Variants in KLF12 observed in about 807,000 individuals in gnomAD.
KLF12 encodes KLF transcription factor 12, also known as Krueppel-like factor 12.
In KLF12, 9 loss-of-function variants were observed where a neutral mutation model predicts 37.8. The ratio of observed to expected loss-of-function variants is 0.24; its 90% CI spans 0.14 to 0.42. The LOEUF (loss-of-function observed/expected upper bound fraction) is 0.42, where lower values mean the gene tolerates loss of function less well. KLF12 is among the 10% of genes least tolerant of loss of function. The probability of loss-of-function intolerance (pLI) is 1.00; values close to 1 mark genes in which losing one functional copy is unlikely to be tolerated. For missense variants in KLF12, 411 were observed against 516.0 expected (o/e 0.80, Z 1.97); for synonymous variants, 208 against 202.1 (o/e 1.03, Z -0.25).
intron 5 of KLF12, among the ~76,000 whole-genome samples, chr13:73,803,590 C>T (rs1882396765): frequency 1.3e-5 from 2 of 151,494 alleles, no homozygotes; most frequent in African/African-American, 4.8e-5. Context: ...CTTATTGTCT[C>T]TCTCCTCCCA....
intron 2 of KLF12, among the ~76,000 whole-genome samples, chr13:73,984,903 G>A (rs1056795346): frequency 5.9e-5 from 9 of 152,166 alleles, no homozygotes; most frequent in African/African-American, 9.7e-5. Context: ...TCCCATCAAG[G>A]GGTGGGGGAT....
chr13:74,280,845 A>G, the KLF12 span, among the ~76,000 whole-genome samples: 1 of 125,694 alleles, frequency 8.0e-6, no homozygotes, highest in African/African-American at 3.5e-5. Flanking sequence ...TTTTTTTGCC[A>G]AGGACTGTGC....
At chr13:73,855,516 T>C (rs776883620) in intron 3 of KLF12, among the ~76,000 whole-genome samples, 42 of 152,234 alleles carry the variant, frequency 2.8e-4, no homozygotes, top group Non-Finnish European at 4.6e-4. Context: ...TCTTGGTTGA[T>C]TCCACGTCTT....
At chr13:74,258,061 T>C in the KLF12 span, 1 of 152,172 alleles carries the variant, frequency 6.6e-6, no homozygotes, top group South Asian at 2.1e-4. Context: ...GACAAGTTTT[T>C]GAATGTTATG....
intron 1 of KLF12, among the ~76,000 whole-genome samples, chr13:74,029,060 A>G (rs1893049528): frequency 6.6e-6 from 1 of 152,142 alleles, no homozygotes; most frequent in South Asian, 2.1e-4. Context: ...GTAACCGTTT[A>G]TTTTATAAAT....
intron 2 of KLF12, among the ~76,000 whole-genome samples, chr13:73,948,963 G>A (rs1232004420): frequency 6.6e-6 from 1 of 152,140 alleles, no homozygotes; most frequent in Non-Finnish European, 1.5e-5. Flanking sequence ...ACAGATATTT[G>A]CATATTTACT....
intron 1 of KLF12, among the ~76,000 whole-genome samples, chr13:74,064,266 T>C (rs1873777954): frequency 6.6e-6 from 1 of 152,208 alleles, no homozygotes; most frequent in African/African-American, 2.4e-5. Flanking sequence ...CATATATAAC[T>C]GTATATTTTT....
At chr13:74,239,154 T>G in the KLF12 span, among the ~76,000 whole-genome samples, 151 of 148,094 alleles carry the variant, frequency 1.0e-3, no homozygotes, top group African/African-American at 3.7e-3. Flanking sequence ...TTGTTCTCGT[T>G]GGTTTCAAAG....
At chr13:73,943,353 T>C (rs764344949) in intron 3 of KLF12, among the ~76,000 whole-genome samples, 1 of 152,210 alleles carries the variant, frequency 6.6e-6, no homozygotes, top group Non-Finnish European at 1.5e-5. Flanking sequence ...AGTGAAGCCA[T>C]AAATGTTCAT....
the KLF12 span, among the ~76,000 whole-genome samples, chr13:74,147,308 A>T: frequency 6.6e-6 from 1 of 152,186 alleles, no homozygotes; most frequent in East Asian, 1.9e-4. Flanking sequence ...GAGTTTGGGG[A>T]ACACTGTTCT....
chr13:73,881,242 AATC>A (rs1886966436), intron 3 of KLF12, among the ~76,000 whole-genome samples: 1 of 152,300 alleles, frequency 6.6e-6, no homozygotes, highest in East Asian at 1.9e-4. Context: ...ATTCTGCTAG[AATC>A]ATTAAAGCCT....
intron 7 of KLF12, among the ~76,000 whole-genome samples, chr13:73,707,235 C>G (rs1378098075): frequency 6.6e-6 from 1 of 152,144 alleles, no homozygotes; most frequent in East Asian, 1.9e-4. Context: ...GTGCCCTAAC[C>G]TTGCTCCTTT....
intron 6 of KLF12, among the ~76,000 whole-genome samples, chr13:73,732,144 C>T (rs1476865727): frequency 6.8e-6 from 1 of 147,012 alleles, no homozygotes; most frequent in Non-Finnish European, 1.5e-5. Flanking sequence ...AGTGCAGTGG[C>T]GTGATCTCGA....
chr13:74,151,670 A>G, the KLF12 span, among the ~76,000 whole-genome samples: 1 of 152,178 alleles, frequency 6.6e-6, no homozygotes, highest in East Asian at 1.9e-4. Context: ...AAATAAATAA[A>G]TAAATAAGAA....
chr13:74,170,088 A>G, the KLF12 span, among the ~76,000 whole-genome samples: 1 of 152,018 alleles, frequency 6.6e-6, no homozygotes, highest in Admixed American at 6.5e-5. Context: ...ACACCTATAG[A>G]CACTGCAAAC....
chr13:73,811,075 T>G (rs1283205145), intron 5 of KLF12, among the ~76,000 whole-genome samples: 1 of 134,796 alleles, frequency 7.4e-6, no homozygotes, highest in Non-Finnish European at 1.6e-5. Context: ...AACCTCTCCC[T>G]ACTGGGTTCA....
chr13:73,748,881 T>C (rs149419307), intron 6 of KLF12, among the ~76,000 whole-genome samples: 3 of 152,334 alleles, frequency 2.0e-5, no homozygotes, highest in East Asian at 1.9e-4. Flanking sequence ...ATTGAGTTGT[T>C]TGGACTCCTG....
At chr13:74,067,214 G>A (rs1873968477) in intron 1 of KLF12, among the ~76,000 whole-genome samples, 1 of 151,496 alleles carries the variant, frequency 6.6e-6, no homozygotes, top group African/African-American at 2.4e-5. Flanking sequence ...CCTTGAAAAT[G>A]AAGTGAGATT....
At chr13:74,147,974 T>C in the KLF12 span, among the ~76,000 whole-genome samples, 1 of 152,140 alleles carries the variant, frequency 6.6e-6, no homozygotes, top group Non-Finnish European at 1.5e-5. Flanking sequence ...TGCTGTGGGA[T>C]GATCTTGGCT....
Sources: gnomAD v4.1 joint callset for allele counts (sites outside exome capture counted in the v4.1 genomes callset) on GRCh38, gnomAD v4.1.1 for gene constraint, MANE v1.5 for transcripts, NCBI Gene and HGNC (gene_info 2026-07-23, HGNC 2026-07-21) for gene names.